The following GDA variants were observed in gnomAD, a reference collection of about 807,000 sequenced individuals.
GDA encodes the protein guanine deaminase.
A neutral mutation model predicts 59.6 loss-of-function variants in GDA; 18 were observed. The ratio of observed to expected loss-of-function variants is 0.30; its 90% CI spans 0.21 to 0.45. The LOEUF (loss-of-function observed/expected upper bound fraction) is 0.45, where lower values mean the gene tolerates loss of function less well. Among genes scored for constraint, GDA ranks in the 20% least tolerant of loss-of-function variants. The pLI is 1.00. For synonymous variants in GDA, 201 were observed against 201.1 expected (o/e 1.00, Z 0.00); for missense variants, 427 against 552.3 (o/e 0.77, Z 2.27).
downstream of GDA, among the ~76,000 whole-genome samples, chr9:72,259,309 C>A (rs1840916260): frequency 6.6e-6 from 1 of 152,184 alleles, no homozygotes; most frequent in Non-Finnish European, 1.5e-5. Context: ...AGGCGTGAGC[C>A]ACCGTGCCTG....
chr9:72,201,801 G>T (rs1385438829), intron 2 of GDA, among the ~76,000 whole-genome samples: 2 of 152,164 alleles, frequency 1.3e-5, no homozygotes, highest in African/African-American at 4.8e-5. Flanking sequence ...TGTGGGTAGT[G>T]CCTCTGAACA....
intron 1 of GDA, among the ~76,000 whole-genome samples, chr9:72,160,720 T>C (rs10735614): frequency 0.76 from 114,993 of 152,144 alleles, 43,528 homozygotes; most frequent in Middle Eastern, 0.8. Context: ...AAAAAGCAGC[T>C]GGTTAAAAAA....
intron 1 of GDA, among the ~76,000 whole-genome samples, chr9:72,122,286 A>G (rs897980242): frequency 2.6e-5 from 4 of 152,186 alleles, no homozygotes; most frequent in Admixed American, 2.6e-4. Flanking sequence ...GCTGGGCTCA[A>G]TTCTTGGCAT....
chr9:72,200,386 C>T (rs1833835464), intron 2 of GDA, among the ~76,000 whole-genome samples: 1 of 151,270 alleles, frequency 6.6e-6, no homozygotes, highest in African/African-American at 2.4e-5. Context: ...CCTCCTCCTC[C>T]TCTTTTTCTC....
At chr9:72,151,547 C>T (rs753638599) in intron 1 of GDA, among the ~76,000 whole-genome samples, 1 of 151,856 alleles carries the variant, frequency 6.6e-6, no homozygotes, top group Non-Finnish European at 1.5e-5. Flanking sequence ...GAAAATAATA[C>T]GCCTTTGGAA....
chr9:72,249,787 C>T lies in GDA; in HGVS notation c.*1445C>T, dbSNP rs1840509479. On this transcript the variant is annotated 3_prime_UTR_variant, in exon 14 of 14. Transcript: ENST00000358399. ...GCTTAGGGGTGACTCTTTAATATTACCTTATAGTAGAAACTTTATGTAATA... is the reference window on the plus strand; with the variant it reads ...GCTTAGGGGTGACTCTTTAATATTATCTTATAGTAGAAACTTTATGTAATA... 1 of 864,140 alleles carries T rather than the reference C, an allele frequency of 1.2e-6. No homozygotes were observed. Among genetic ancestry groups the T allele is most frequent in the African/African-American group, 1.8e-5 (1 of 54,698 alleles). 53.5% of individuals were successfully genotyped at this position (864,140 alleles called of 1,614,324 possible).
intron 1 of GDA, among the ~76,000 whole-genome samples, chr9:72,164,115 G>A (rs1828997836): frequency 6.6e-6 from 1 of 152,186 alleles, no homozygotes; most frequent in African/African-American, 2.4e-5. Flanking sequence ...GAGATTTGAA[G>A]CAGATGTTGA....
At chr9:72,184,773 C>T (rs887618722) in intron 1 of GDA, among the ~76,000 whole-genome samples, 6 of 152,094 alleles carry the variant, frequency 3.9e-5, no homozygotes, top group African/African-American at 1.4e-4. Flanking sequence ...AATGTTATTT[C>T]CATTTGGAAG....
chr9:72,158,469 T>C (rs960651666), intron 1 of GDA, among the ~76,000 whole-genome samples: 17 of 151,960 alleles, frequency 1.1e-4, no homozygotes, highest in African/African-American at 3.6e-4. Flanking sequence ...GGCAGGCGCC[T>C]ATAGTCCCAG....
downstream of GDA, among the ~76,000 whole-genome samples, chr9:72,259,451 A>G (rs992872867): frequency 3.9e-5 from 6 of 152,218 alleles, no homozygotes; most frequent in African/African-American, 1.4e-4. Context: ...ACTGCTCCAC[A>G]GCTGCAGGCT....
At chr9:72,234,040 G>A (rs1374761561) in intron 10 of GDA, among the ~76,000 whole-genome samples, 2 of 152,198 alleles carry the variant, frequency 1.3e-5, no homozygotes, top group Non-Finnish European at 2.9e-5. Flanking sequence ...CTATCAGCAG[G>A]AGGATGGATA....
intron 1 of GDA, among the ~76,000 whole-genome samples, chr9:72,150,959 G>A (rs1236229409): frequency 6.6e-6 from 1 of 152,066 alleles, no homozygotes; most frequent in Non-Finnish European, 1.5e-5. Flanking sequence ...GCAAAGGAAC[G>A]GAGATTGCTA....
intron 1 of GDA, among the ~76,000 whole-genome samples, chr9:72,124,532 G>GA (rs1327649988): frequency 1.3e-5 from 2 of 152,142 alleles, no homozygotes; most frequent in African/African-American, 2.4e-5. Flanking sequence ...ATAATATGTA[G>GA]AAAAAAGGGC....
chr9:72,116,051 T>C (rs1028953717), intron 1 of GDA, among the ~76,000 whole-genome samples: 33 of 151,980 alleles, frequency 2.2e-4, no homozygotes, highest in Non-Finnish European at 1.8e-4. Flanking sequence ...CTGACCAACA[T>C]GGAGAAACCC....
At chr9:72,136,931 C>T (rs973544601) in intron 1 of GDA, among the ~76,000 whole-genome samples, 1 of 151,984 alleles carries the variant, frequency 6.6e-6, no homozygotes, top group Admixed American at 6.6e-5. Context: ...GTGGAGATTG[C>T]GCCATTGCAC....
At chr9:72,208,695 G>A (rs1015067818) in intron 3 of GDA, among the ~76,000 whole-genome samples, 1 of 151,922 alleles carries the variant, frequency 6.6e-6, no homozygotes, top group Admixed American at 6.6e-5. Flanking sequence ...CAAGTCCTTC[G>A]GTACTTAATC....
At chr9:72,148,517 A>C (rs1051958475), upstream of GDA, among the ~76,000 whole-genome samples, 1 of 152,168 alleles carries the variant, frequency 6.6e-6, no homozygotes, top group Non-Finnish European at 1.5e-5. Flanking sequence ...CTGACATTTG[A>C]GACAAATCAG....
intron 1 of GDA, among the ~76,000 whole-genome samples, chr9:72,151,970 G>A (rs1338884154): frequency 3.9e-5 from 6 of 152,104 alleles, no homozygotes; most frequent in Non-Finnish European, 8.8e-5. Context: ...GAAATATCTA[G>A]GGGTGCTTGA....
intron 9 of GDA, among the ~76,000 whole-genome samples, chr9:72,230,624 G>A (rs982975807): frequency 2.0e-5 from 3 of 151,944 alleles, no homozygotes; most frequent in African/African-American, 7.3e-5. Flanking sequence ...TGAACAGTCA[G>A]GTCCTGACTT....
Sources: allele counts gnomAD v4.1 joint callset (sites outside exome capture counted in the v4.1 genomes callset), GRCh38; gene constraint gnomAD v4.1.1; transcripts MANE v1.5; gene names NCBI Gene and HGNC (gene_info 2026-07-23, HGNC 2026-07-21).